Variants in ADAMTSL1 observed in about 807,000 individuals in gnomAD.
The protein encoded by ADAMTSL1 is ADAMTS-like protein 1.
In ADAMTSL1, 126 loss-of-function variants were observed where a neutral mutation model predicts 201.8. The observed-to-expected ratio is 0.62, with a 90% CI of 0.54 to 0.72. The LOEUF is 0.72. ADAMTSL1 is among the 30% of genes least tolerant of loss of function. The pLI is 0.00. For synonymous variants in ADAMTSL1, 1,121 were observed against 903.4 expected, an observed-to-expected ratio of 1.24 and a Z score of -4.32; for missense variants, 2,679 against 2,277.8, an observed-to-expected ratio of 1.18 and a Z score of -3.59.
intron 2 of ADAMTSL1, among the ~76,000 whole-genome samples, chr9:18,226,916 A>G (rs1830452121): frequency 6.6e-6 from 1 of 152,200 alleles, no homozygotes; most frequent in Admixed American, 6.5e-5. Context: ...AATTTTTAAT[A>G]TTTTTGATGA....
chr9:18,760,225 A>T (rs992571372), intron 16 of ADAMTSL1, among the ~76,000 whole-genome samples: 1 of 152,042 alleles, frequency 6.6e-6, no homozygotes, highest in African/African-American at 2.4e-5. Context: ...GTCAACATCT[A>T]TACCCTATTT....
intron 4 of ADAMTSL1, among the ~76,000 whole-genome samples, chr9:18,611,302 T>A (rs1036599175): frequency 2.6e-5 from 4 of 152,302 alleles, no homozygotes; most frequent in Middle Eastern, 3.4e-3. Context: ...GGCCTTTGTA[T>A]AATTTTGTTT....
intron 1 of ADAMTSL1, among the ~76,000 whole-genome samples, chr9:17,974,007 A>G (rs1473401005): frequency 6.6e-6 from 1 of 151,780 alleles, no homozygotes; most frequent in Non-Finnish European, 1.5e-5. Context: ...ATTTTTGCAA[A>G]TTGATTTTAT....
intron 5 of ADAMTSL1, among the ~76,000 whole-genome samples, chr9:18,635,378 G>A (rs375743376): frequency 1.3e-5 from 2 of 152,102 alleles, no homozygotes; most frequent in East Asian, 3.9e-4. Context: ...AGAGTATAGT[G>A]TAGAGAAATG....
At chr9:18,262,074 G>GAT (rs1831945082) in intron 2 of ADAMTSL1, among the ~76,000 whole-genome samples, 4 of 152,188 alleles carry the variant, frequency 2.6e-5, no homozygotes, top group African/African-American at 7.2e-5. Flanking sequence ...TAATGTGTTA[G>GAT]ATATATATAT....
chr9:18,891,804 T>C (rs1396200771), intron 25 of ADAMTSL1, among the ~76,000 whole-genome samples: 1 of 152,234 alleles, frequency 6.6e-6, no homozygotes, highest in Non-Finnish European at 1.5e-5. Flanking sequence ...CGAATTTGGA[T>C]CTGACTTCCC....
rs565158634 is a variant in ADAMTSL1, at chr9:18,083,243, A to G, written c.88-80619A>G. ...AGGCTGGGGGACCTACAAGTATTGG[A>G]AAGATGATGGTAAGTAGGTTCAGAC... On this transcript the variant is annotated intron_variant, in intron 1 of 29. Transcript: ENST00000680146. Among the ~76,000 whole-genome samples the G allele has an allele frequency of 2.6e-5, 4 of 152,316 alleles. No homozygotes were observed. In the South Asian group the frequency reaches 6.2e-4, roughly 24 times the overall value.
rs187291050 is a variant in ADAMTSL1, at chr9:18,052,006, C to G, written c.88-111856C>G. ...TTAACAAATTTCTCTTTTCTTGACACTTTGTTACAAACATCTTTGAGGAAG... is the reference window on the plus strand; with the variant it reads ...TTAACAAATTTCTCTTTTCTTGACAGTTTGTTACAAACATCTTTGAGGAAG... On this transcript the variant is annotated intron_variant, in intron 1 of 29. Transcript: ENST00000680146. Among the ~76,000 whole-genome samples the G allele has an allele frequency of 6.0e-4, 92 of 152,312 alleles. 1 individual carries two copies. The highest frequency in any genetic ancestry group is 2.2e-3 in the African/African-American group (90 of 41,580).
intron 13 of ADAMTSL1, among the ~76,000 whole-genome samples, chr9:18,697,857 G>T (rs1284228442): frequency 6.6e-6 from 1 of 152,102 alleles, no homozygotes; most frequent in Non-Finnish European, 1.5e-5. Flanking sequence ...GTTCCATTAT[G>T]GACATTTTAA....
At chr9:18,319,878 A>G (rs1412940969) in intron 2 of ADAMTSL1, among the ~76,000 whole-genome samples, 1 of 152,158 alleles carries the variant, frequency 6.6e-6, no homozygotes, top group Admixed American at 6.5e-5. Context: ...GGAGAAGGGG[A>G]GGTTATTCTA....
At chr9:18,627,872 A>C (rs574332487) in intron 5 of ADAMTSL1, among the ~76,000 whole-genome samples, 1 of 152,178 alleles carries the variant, frequency 6.6e-6, no homozygotes, top group Non-Finnish European at 1.5e-5. Flanking sequence ...TAGTCTACTT[A>C]CCACAGTGTG....
chr9:18,352,772 A>G (rs1202603160), intron 2 of ADAMTSL1, among the ~76,000 whole-genome samples: 1 of 152,204 alleles, frequency 6.6e-6, no homozygotes, highest in Non-Finnish European at 1.5e-5. Context: ...ATTAGAAGTC[A>G]TAAAAGGTTA....
chr9:18,312,696 A>T (rs1834203241), intron 2 of ADAMTSL1, among the ~76,000 whole-genome samples: 1 of 152,174 alleles, frequency 6.6e-6, no homozygotes, highest in African/African-American at 2.4e-5. Context: ...TAAAAACAGA[A>T]ATCAAACCTG....
chr9:18,187,913 T>C (rs1828808467), intron 2 of ADAMTSL1, among the ~76,000 whole-genome samples: 1 of 152,188 alleles, frequency 6.6e-6, no homozygotes, highest in African/African-American at 2.4e-5. Flanking sequence ...AAAAAATTTA[T>C]TTAAATGCCA....
intron 2 of ADAMTSL1, among the ~76,000 whole-genome samples, chr9:18,365,982 C>T (rs954536543): frequency 1.3e-5 from 2 of 152,172 alleles, no homozygotes; most frequent in Admixed American, 6.5e-5. Context: ...ATTCCCAAAC[C>T]TCTCGCCTGC....
At chr9:18,375,787 C>T (rs1332522778) in intron 2 of ADAMTSL1, among the ~76,000 whole-genome samples, 1 of 152,218 alleles carries the variant, frequency 6.6e-6, no homozygotes, top group African/African-American at 2.4e-5. Context: ...AGCTTTTATT[C>T]CCTTTTTTGT....
chr9:18,008,473 C>T (rs952662009), intron 1 of ADAMTSL1, among the ~76,000 whole-genome samples: 1 of 151,938 alleles, frequency 6.6e-6, no homozygotes, highest in African/African-American at 2.4e-5. Context: ...TAAGTTAGGA[C>T]AGGCTTTACA....
chr9:18,393,204 T>C (rs1838123585), intron 2 of ADAMTSL1, among the ~76,000 whole-genome samples: 1 of 152,220 alleles, frequency 6.6e-6, no homozygotes, highest in African/African-American at 2.4e-5. Context: ...ATATAATTAT[T>C]TTCACAGATT....
chr9:18,391,752 T>G (rs992088643), intron 2 of ADAMTSL1, among the ~76,000 whole-genome samples: 1 of 152,050 alleles, frequency 6.6e-6, no homozygotes, highest in African/African-American at 2.4e-5. Context: ...GAAAAGACAA[T>G]GAAGACTCAG....
Sources: gnomAD v4.1 joint callset for allele counts (sites outside exome capture counted in the v4.1 genomes callset) on GRCh38, gnomAD v4.1.1 for gene constraint, MANE v1.5 for transcripts, NCBI Gene and HGNC (gene_info 2026-07-23, HGNC 2026-07-21) for gene names.